The following ABL2 variants were observed in gnomAD, a reference collection of about 807,000 sequenced individuals.
ABL2 encodes tyrosine-protein kinase ABL2.
A neutral mutation model predicts 107.7 loss-of-function variants in ABL2; 49 were observed. The observed-to-expected ratio is 0.45, with a 90% CI of 0.36 to 0.58. The LOEUF (loss-of-function observed/expected upper bound fraction) is 0.58, where lower values mean the gene tolerates loss of function less well. Among genes scored for constraint, ABL2 ranks in the 20% least tolerant of loss-of-function variants. The pLI is 0.00. For missense variants in ABL2, 1,245 were observed against 1,457.0 expected (o/e 0.85, Z 2.37); for synonymous variants, 549 against 548.6 (o/e 1.00, Z -0.01).
At chr1:179,192,169 A>C (rs529511325) in intron 1 of ABL2, among the ~76,000 whole-genome samples, 19 of 152,170 alleles carry the variant, frequency 1.2e-4, no homozygotes, top group African/African-American at 3.9e-4. Flanking sequence ...TAGTTACGAA[A>C]AACAATCCAC....
chr1:179,158,206 T>G (rs1367175006), intron 1 of ABL2, among the ~76,000 whole-genome samples: 3 of 152,190 alleles, frequency 2.0e-5, no homozygotes, highest in African/African-American at 7.2e-5. Context: ...AATGAAATAC[T>G]AACTCCACAA....
intron 3 of ABL2, 104 bp downstream of exon 3, chr1:179,131,207 G>C: frequency 2.3e-6 from 3 of 1,302,140 alleles, no homozygotes; most frequent in Non-Finnish European, 3.1e-6. Flanking sequence ...GCCTCCCAAA[G>C]TGCTGAGATT....
chr1:179,155,967 AAGAC>A (rs1311771163), intron 1 of ABL2, among the ~76,000 whole-genome samples: 1 of 152,148 alleles, frequency 6.6e-6, no homozygotes, highest in Non-Finnish European at 1.5e-5. Context: ...CTCACCAAAA[AAGAC>A]AATGTATGTG....
At chr1:179,119,791 G>C (rs12129054) in intron 6 of ABL2, among the ~76,000 whole-genome samples, 14,702 of 152,088 alleles carry the variant, frequency 0.097, 797 homozygotes, top group African/African-American at 0.15. Context: ...GTACCATTTT[G>C]AACACTTCTG....
chr1:179,201,579 G>T, intron 1 of ABL2: 1 of 374,018 alleles, frequency 2.7e-6, no homozygotes, highest in African/African-American at 2.1e-5. Flanking sequence ...TAAGGCATTT[G>T]GGGAACAGGG....
rs186704090 is a variant in ABL2, at chr1:179,100,422, A to G, written c.*7296T>C. The stretch of plus-strand genomic sequence containing the variant: ...GCAAAACCTTCTGAAACAACAATAA[A>G]TTTGCATATTCTTTTTATTGTGTCA... On this transcript the variant is annotated 3_prime_UTR_variant, in exon 12 of 12. Transcript: ENST00000502732. 2.1e-3 allele frequency: 485 copies of G among 226,818 alleles called. 4 individuals carry two copies. The highest frequency in any genetic ancestry group is 9.3e-3 in the African/African-American group (420 of 45,138). The allele number at this position is 226,818 out of a possible 1,614,324, so 14.1% of individuals were successfully genotyped here.
At chr1:179,140,595 T>C (rs1238113397) in intron 1 of ABL2, among the ~76,000 whole-genome samples, 1 of 152,222 alleles carries the variant, frequency 6.6e-6, no homozygotes, top group East Asian at 1.9e-4. Context: ...TGTCTACATA[T>C]AAGAGGCTCT....
In ABL2 at chr1:179,107,476, C is replaced by G; in HGVS notation, c.*242G>C. The G allele has an allele frequency of 1.7e-6, 1 of 601,922 alleles. No homozygotes were observed. Among genetic ancestry groups the G allele is most frequent in the Non-Finnish European group, 2.6e-6 (1 of 382,500 alleles). The allele number at this position is 601,922 out of a possible 1,614,324, so 37.3% of individuals were successfully genotyped here. On this transcript the variant is annotated 3_prime_UTR_variant, in exon 12 of 12. Coordinates refer to ENST00000502732, the MANE Select transcript of ABL2 (RefSeq NM_007314.4). ...TACACATGTTCCCTATTTTCCAGTG[C>G]AGTTTCCAACCCTGTCCACTACTGC...
intron 1 of ABL2, among the ~76,000 whole-genome samples, chr1:179,157,375 T>C (rs1044523867): frequency 3.9e-5 from 6 of 152,046 alleles, no homozygotes; most frequent in African/African-American, 1.4e-4. Flanking sequence ...CGTGTGCCTA[T>C]AATCTCAGCT....
chr1:179,121,413 A>G (rs1655184408), intron 5 of ABL2, among the ~76,000 whole-genome samples, 182 bp downstream of exon 5: 2 of 152,244 alleles, frequency 1.3e-5, no homozygotes, highest in African/African-American at 2.4e-5. Flanking sequence ...ACTGCATTGC[A>G]GTGAATAATC....
intron 1 of ABL2, among the ~76,000 whole-genome samples, chr1:179,217,755 T>C (rs1662651306): frequency 6.6e-6 from 1 of 152,096 alleles, no homozygotes; most frequent in Non-Finnish European, 1.5e-5. Context: ...CCATCATATA[T>C]ATCTAAGACT....
At chr1:179,141,115 C>CAAA (rs34158477) in intron 1 of ABL2, among the ~76,000 whole-genome samples, 5 of 62,894 alleles carry the variant, frequency 7.9e-5, no homozygotes, top group East Asian at 5.4e-4. Flanking sequence ...GACTCTGTCT[C>CAAA]AAAAAAAAAA....
At chr1:179,173,591 C>T (rs1659857217) in intron 1 of ABL2, among the ~76,000 whole-genome samples, 1 of 152,140 alleles carries the variant, frequency 6.6e-6, no homozygotes, top group South Asian at 2.1e-4. Context: ...ACCTCGTGAT[C>T]CGCCCACCTT....
intron 1 of ABL2, among the ~76,000 whole-genome samples, chr1:179,194,532 G>A (rs920564256): frequency 1.3e-4 from 20 of 152,140 alleles, no homozygotes; most frequent in African/African-American, 4.1e-4. Flanking sequence ...AATTTTTAAG[G>A]TATCAACACA....
chr1:179,125,064 T>C (rs1436950882), intron 4 of ABL2, among the ~76,000 whole-genome samples: 1 of 152,114 alleles, frequency 6.6e-6, no homozygotes, highest in Non-Finnish European at 1.5e-5. Context: ...CAGCTAACAC[T>C]CATCTAGAGT....
At chr1:179,202,523 G>C (rs1291473352) in intron 1 of ABL2, among the ~76,000 whole-genome samples, 1 of 152,170 alleles carries the variant, frequency 6.6e-6, no homozygotes, top group Non-Finnish European at 1.5e-5. Flanking sequence ...TAAAAAATAG[G>C]AAAGGAGCCT....
intron 10 of ABL2, chr1:179,110,791 C>G (rs1557909969): frequency 1.3e-5 from 21 of 1,613,944 alleles, no homozygotes; most frequent in Non-Finnish European, 1.7e-5. Context: ...TCATCCTGCT[C>G]TGTGTCTTTT....
intron 1 of ABL2, among the ~76,000 whole-genome samples, chr1:179,156,882 AAAAT>A (rs143172971): frequency 0.27 from 38,131 of 141,748 alleles, 5,231 homozygotes; most frequent in African/African-American, 0.3. Flanking sequence ...AGTCTGTCTC[AAAAT>A]AAATAAATAA....
chr1:179,200,375 T>C (rs934702691), intron 1 of ABL2, among the ~76,000 whole-genome samples: 16 of 152,204 alleles, frequency 1.1e-4, no homozygotes, highest in African/African-American at 3.6e-4. Context: ...TACATTTATG[T>C]TGTCGCACTT....
Sources: allele counts gnomAD v4.1 joint callset (sites outside exome capture counted in the v4.1 genomes callset), GRCh38; gene constraint gnomAD v4.1.1; transcripts MANE v1.5; gene names NCBI Gene and HGNC (gene_info 2026-07-23, HGNC 2026-07-21).